SPTBN4: variants seen among roughly 807,000 people sequenced by gnomAD.
SPTBN4 encodes spectrin beta chain, non-erythrocytic 4.
In SPTBN4, 96 loss-of-function variants were observed where a neutral mutation model predicts 277.8. The ratio of observed to expected loss-of-function variants is 0.35; its 90% CI spans 0.29 to 0.41. The LOEUF (loss-of-function observed/expected upper bound fraction) is 0.41, where lower values mean the gene tolerates loss of function less well. Ranked by LOEUF, SPTBN4 falls within the 10% of genes least tolerant of loss-of-function variation. SPTBN4 has a pLI of 1.00. For synonymous variants in SPTBN4, 1,481 were observed against 1,580.3 expected (o/e 0.94, Z 1.49); for missense variants, 3,006 against 3,595.7 (o/e 0.84, Z 4.19).
At position 40,515,535 on chromosome 19, in the gene SPTBN4, C is replaced by T; in HGVS notation, c.2903+87C>T. 1 of 1,364,060 alleles carries T rather than the reference C, an allele frequency of 7.3e-7. No individual in the cohort carries two copies. Among genetic ancestry groups the T allele is most frequent in the Non-Finnish European group, 9.6e-7 (1 of 1,046,302 alleles). 84.5% of individuals were successfully genotyped at this position (1,364,060 alleles called of 1,614,324 possible). On this transcript the variant is annotated intron_variant, in intron 15 of 35. Transcript: ENST00000598249. This position sits in a 1 kb window ranked among gnomAD's most constrained non-coding sequence, Gnocchi z 4.1. ...GACAGCAAGATGTGCAATCTCAAAC[C>T]CCTGGAATCATAATGGCCACCCGAT...
chr19:40,565,394 C>T, intron 27 of SPTBN4, 29 bp from the exon 28 acceptor site: 2 of 1,598,984 alleles, frequency 1.3e-6, no homozygotes, highest in South Asian at 2.3e-5. Context: ...CTCCCTGTGG[C>T]TCAGATCCCT....
chr19:40,557,391 C>T lies in SPTBN4; in HGVS notation c.5658C>T (p.Leu1886=), dbSNP rs750414793. 2 of 1,566,306 alleles carry T rather than the reference C, an allele frequency of 1.3e-6. No individual in the cohort carries two copies. The highest frequency in any genetic ancestry group is 2.3e-5 in the East Asian group (1 of 43,946). The change falls in exon 26 of 36, where the codon CTC becomes CTT. Residue 1886 remains leucine, a synonymous_variant. Transcript: ENST00000598249. ...GAGCCTTTGAGCATGACCTGCAGCT[C>T]CTCGTGTCCCAGGTGGGGCGCCGGT... is the stretch of plus-strand genomic sequence containing the variant. The part of the protein sequence containing the change: ...TLRAFEHDLQ[L]LVSQVRQLQE...
intron 35 of SPTBN4, among the ~76,000 whole-genome samples, chr19:40,573,570 C>T (rs2081173929): frequency 6.6e-6 from 1 of 152,240 alleles, no homozygotes; most frequent in Non-Finnish European, 1.5e-5. Flanking sequence ...GTGGCTTACG[C>T]CTGTAATCCC....
At chr19:40,484,739 A>G (rs146404265) in intron 2 of SPTBN4, among the ~76,000 whole-genome samples, 2,278 of 151,926 alleles carry the variant, frequency 0.015, 61 homozygotes, top group African/African-American at 0.048. Flanking sequence ...CATCCTGGCT[A>G]ACATGGTGAA....
chr19:40,556,060 C>A, intron 24 of SPTBN4, 24 bp from the exon 25 acceptor site: 1 of 1,598,390 alleles, frequency 6.3e-7, no homozygotes. Flanking sequence ...GGGTCCATCC[C>A]TGCCCCTCCA....
chr19:40,472,500 T>A (rs747221199), intron 1 of SPTBN4, 107 bp from the exon 2 acceptor site: 8 of 1,068,170 alleles, frequency 7.5e-6, no homozygotes, highest in East Asian at 2.6e-5. Context: ...TTATGTCCAC[T>A]TTAAAGACAG....
chr19:40,556,978 C>CTT, intron 25 of SPTBN4, 45 bp from the exon 26 acceptor site: 1 of 1,518,880 alleles, frequency 6.6e-7, no homozygotes, highest in Non-Finnish European at 8.8e-7. Flanking sequence ...TATGCTGCCC[C>CTT]TTTGCTCACT....
At chr19:40,473,956 A>G (rs1248267766) in intron 2 of SPTBN4, among the ~76,000 whole-genome samples, 3 of 151,446 alleles carry the variant, frequency 2.0e-5, no homozygotes, top group South Asian at 4.2e-4. Context: ...ATGTTCGCCA[A>G]CATAGTGAAA....
intron 4 of SPTBN4, among the ~76,000 whole-genome samples, chr19:40,491,205 T>A (rs2080132024): frequency 6.6e-6 from 1 of 152,042 alleles, no homozygotes; most frequent in Non-Finnish European, 1.5e-5. Flanking sequence ...GAGAATGCAT[T>A]CCAGGCAGGG....
intron 2 of SPTBN4, among the ~76,000 whole-genome samples, chr19:40,475,013 G>A (rs1270479048): frequency 2.0e-5 from 3 of 152,094 alleles, no homozygotes; most frequent in Non-Finnish European, 4.4e-5. Context: ...TTGATTACAG[G>A]GGTAAGCCAG....
chr19:40,518,664 T>C (rs1425232664), intron 15 of SPTBN4, among the ~76,000 whole-genome samples: 1 of 152,160 alleles, frequency 6.6e-6, no homozygotes, highest in Non-Finnish European at 1.5e-5. Flanking sequence ...GCTCAAGCGA[T>C]CCACCTGCTT....
In SPTBN4 at chr19:40,554,386, C is replaced by T. The variant is rs767139759; in HGVS notation, c.4914C>T (p.Gly1638=). ...FDVAEVEAWL[G]EQELLMMSED... is the part of the protein sequence containing the mutation. ...TGGCTGAGGTGGAGGCGTGGCTGGG[C>T]GAGCAGGAGCTGCTCATGATGAGTG... The change falls in exon 23 of 36, where the codon GGC becomes GGT. Residue 1638 remains glycine, a synonymous_variant. Coordinates refer to ENST00000598249, the MANE Select transcript of SPTBN4 (RefSeq NM_020971.3). The surrounding 1 kb of genome is among the most constrained non-coding windows in gnomAD (Gnocchi z 5.7). 3.1e-5 allele frequency: 49 copies of T among 1,586,834 alleles called. No individual in the cohort carries two copies. Among genetic ancestry groups the T allele is most frequent in the Middle Eastern group, 1.7e-4 (1 of 5,988 alleles).
chr19:40,504,143 G>A lies in SPTBN4; in HGVS notation c.1665+11G>A, dbSNP rs200649134. Reference sequence around the variant, plus strand: ...ATGGAGGAGATGCAGGTGCCGGCGGGGGGGCGGGGATGCGGGTGGAGTGCC... The same window carrying A: ...ATGGAGGAGATGCAGGTGCCGGCGGAGGGGCGGGGATGCGGGTGGAGTGCC... On this transcript the variant is annotated intron_variant, in intron 12 of 35. Transcript: ENST00000598249. 40 of 1,268,372 alleles carry A rather than the reference G, an allele frequency of 3.2e-5. 2 individuals carry two copies. Among genetic ancestry groups the A allele is most frequent in the Middle Eastern group, 2.1e-4 (1 of 4,774 alleles). The allele number at this position is 1,268,372 out of a possible 1,614,324, so 78.6% of individuals were successfully genotyped here.
In SPTBN4 at chr19:40,504,151, G is replaced by A. The variant is rs759569224; in HGVS notation, c.1665+19G>A. The A allele has an allele frequency of 2.1e-6, 2 of 969,680 alleles. No homozygotes were observed. Among genetic ancestry groups the A allele is most frequent in the Non-Finnish European group, 3.1e-6 (2 of 639,104 alleles). 60.1% of individuals were successfully genotyped at this position (969,680 alleles called of 1,614,324 possible). A position where few individuals can be genotyped will look rare whatever the true frequency, so the allele number is the denominator to read the frequency against. On this transcript the variant is annotated intron_variant, in intron 12 of 35. Transcript: ENST00000598249. Reference sequence around the variant, plus strand: ...GATGCAGGTGCCGGCGGGGGGGCGGGGATGCGGGTGGAGTGCCAGGAGGGA... The same window carrying A: ...GATGCAGGTGCCGGCGGGGGGGCGGAGATGCGGGTGGAGTGCCAGGAGGGA...
At chr19:40,499,102 C>T (rs541381076) in intron 7 of SPTBN4, among the ~76,000 whole-genome samples, 17 of 152,014 alleles carry the variant, frequency 1.1e-4, no homozygotes, top group Admixed American at 9.8e-4. Flanking sequence ...GATCCTAGCT[C>T]ACTGCAACCT....
chr19:40,551,906 A>G (rs1399769156), intron 22 of SPTBN4, among the ~76,000 whole-genome samples: 1 of 151,922 alleles, frequency 6.6e-6, no homozygotes, highest in Non-Finnish European at 1.5e-5. Context: ...AGGCAGGAGA[A>G]TTGCTTGAAC....
rs1401674326 is a variant in SPTBN4, at chr19:40,549,316, G to C, written c.4487G>C (p.Arg1496Pro). The C allele has an allele frequency of 6.5e-7, 1 of 1,538,996 alleles. No homozygotes were observed. Among genetic ancestry groups the C allele is most frequent in the South Asian group, 1.2e-5 (1 of 83,860 alleles). ...VGERQNAVGE[R>P]LVRLLEPLQE... ...GAGCGGCAGAACGCGGTGGGCGAGCGCCTGGTGCGCCTGCTCGAGCCGTTG... is the reference window on the plus strand; with the variant it reads ...GAGCGGCAGAACGCGGTGGGCGAGCCCCTGGTGCGCCTGCTCGAGCCGTTG... Residue 1496 changes from arginine to proline, a missense_variant, in exon 21 of 36, where the codon CGC becomes CCC. Arg to Pro is a moderately radical substitution (Grantham distance 103). Transcript: ENST00000598249.
intron 20 of SPTBN4, among the ~76,000 whole-genome samples, chr19:40,544,440 CT>C (rs3071333): frequency 1.0e-3 from 53 of 51,750 alleles, no homozygotes; most frequent in African/African-American, 3.3e-3. Context: ...TTGTGCCCGG[CT>C]TTTTTTTTTT....
At chr19:40,539,478 T>C (rs2080774443) in intron 20 of SPTBN4, among the ~76,000 whole-genome samples, 1 of 152,072 alleles carries the variant, frequency 6.6e-6, no homozygotes, top group Non-Finnish European at 1.5e-5. Flanking sequence ...CATGCTTCAG[T>C]TTCTTTTTCT....
Sources: allele counts gnomAD v4.1 joint callset (sites outside exome capture counted in the v4.1 genomes callset), GRCh38; gene constraint gnomAD v4.1.1; non-coding constraint Gnocchi (gnomAD v3.1); transcripts MANE v1.5; gene names NCBI Gene and HGNC (gene_info 2026-07-23, HGNC 2026-07-21).